Variants in HPSE2 observed in about 807,000 individuals in gnomAD.
The protein encoded by HPSE2 is inactive heparanase-2.
In HPSE2, 38 loss-of-function variants were observed where a neutral mutation model predicts 60.5. The observed-to-expected ratio is 0.63, with a 90% CI of 0.48 to 0.82. HPSE2 has a LOEUF of 0.82. Ranked by LOEUF, HPSE2 falls within the 40% of genes least tolerant of loss-of-function variation. The pLI, the probability that HPSE2 is intolerant of heterozygous loss-of-function variation, is 0.00. For missense variants in HPSE2, 713 were observed against 740.4 expected (o/e 0.96, Z 0.43); for synonymous variants, 295 against 293.2 (o/e 1.01, Z -0.06).
chr10:98,656,588 A>G lies in HPSE2; in HGVS notation c.1005-14648T>C, dbSNP rs144585594. On this transcript the variant is annotated intron_variant, in intron 6 of 11. Transcript: ENST00000370552. Reference sequence around the variant, plus strand: ...ATTGACTTTTTTATGAGGACCCACCATAAGAATTTATATCAAGGCTTAGTA... The same window carrying G: ...ATTGACTTTTTTATGAGGACCCACCGTAAGAATTTATATCAAGGCTTAGTA... Among the ~76,000 whole-genome samples the G allele has an allele frequency of 7.3e-3, 1,113 of 152,278 alleles. 11 individuals are homozygous for G. The highest frequency in any genetic ancestry group is 0.012 in the Non-Finnish European group (847 of 68,024).
chr10:98,874,024 T>C (rs1222830742), intron 3 of HPSE2, among the ~76,000 whole-genome samples: 1 of 145,860 alleles, frequency 6.9e-6, no homozygotes, highest in African/African-American at 2.4e-5. Context: ...TTGAAAAGTG[T>C]CTGTTCATAT....
At chr10:98,622,740 G>C (rs1946106255) in intron 7 of HPSE2, among the ~76,000 whole-genome samples, 1 of 152,142 alleles carries the variant, frequency 6.6e-6, no homozygotes, top group Non-Finnish European at 1.5e-5. Context: ...GTGGTCAATA[G>C]CATGTTGGTA....
chr10:98,574,691 C>T (rs532017446), intron 9 of HPSE2, among the ~76,000 whole-genome samples: 8 of 39,076 alleles, frequency 2.0e-4, no homozygotes, highest in Admixed American at 4.2e-4. Flanking sequence ...GCATTGGCAT[C>T]GAGAAGAAGG....
At chr10:98,795,129 C>T (rs189612012) in intron 3 of HPSE2, among the ~76,000 whole-genome samples, 7 of 152,016 alleles carry the variant, frequency 4.6e-5, no homozygotes, top group African/African-American at 1.4e-4. Flanking sequence ...AAGCCTATAG[C>T]ATGTGTCTCC....
chr10:99,007,138 G>C (rs1387312991), intron 3 of HPSE2, among the ~76,000 whole-genome samples: 2 of 152,188 alleles, frequency 1.3e-5, no homozygotes, highest in Non-Finnish European at 2.9e-5. Flanking sequence ...GATCAACCTG[G>C]TGTAGGGTAG....
At chr10:98,674,177 C>T (rs1947577715) in intron 6 of HPSE2, among the ~76,000 whole-genome samples, 1 of 152,182 alleles carries the variant, frequency 6.6e-6, no homozygotes. Context: ...TATTTCTTAC[C>T]TTTTATTTTC....
At chr10:98,788,566 A>G (rs1950582622) in intron 3 of HPSE2, among the ~76,000 whole-genome samples, 1 of 151,526 alleles carries the variant, frequency 6.6e-6, no homozygotes, top group Admixed American at 6.6e-5. Flanking sequence ...TTGCAGTTTG[A>G]TCTCAGACTG....
chr10:98,579,833 T>C (rs141708529), intron 9 of HPSE2, among the ~76,000 whole-genome samples: 3 of 152,180 alleles, frequency 2.0e-5, no homozygotes, highest in African/African-American at 7.2e-5. Context: ...GCCTTTATCA[T>C]GTTCTCAGTT....
At chr10:98,522,475 GTTTGTTT>G in intron 9 of HPSE2, among the ~76,000 whole-genome samples, 1 of 151,994 alleles carries the variant, frequency 6.6e-6, no homozygotes, top group Admixed American at 6.5e-5. Flanking sequence ...TCTTTTTTTT[GTTTGTTT>G]TTTGTTTTTT....
intron 2 of HPSE2, among the ~76,000 whole-genome samples, chr10:99,182,629 T>C (rs139599020): frequency 1.5e-3 from 230 of 152,278 alleles, no homozygotes; most frequent in African/African-American, 5.3e-3. Context: ...CTGAGAAACT[T>C]AAAATCATAA....
intron 4 of HPSE2, among the ~76,000 whole-genome samples, chr10:98,742,181 A>C (rs1401783058): frequency 6.6e-6 from 1 of 152,174 alleles, no homozygotes; most frequent in Non-Finnish European, 1.5e-5. Context: ...TGGTATCCTG[A>C]GTTTAACTCA....
chr10:99,287,765 AT>A, the HPSE2 span, among the ~76,000 whole-genome samples: 1 of 152,194 alleles, frequency 6.6e-6, no homozygotes, highest in Admixed American at 6.5e-5. Context: ...AGAGATGTAT[AT>A]TTTGATGTCT....
At chr10:98,968,648 T>C (rs754882973) in intron 3 of HPSE2, among the ~76,000 whole-genome samples, 2 of 152,218 alleles carry the variant, frequency 1.3e-5, no homozygotes, top group African/African-American at 2.4e-5. Flanking sequence ...ATATACACCA[T>C]GGAATGCTAT....
At chr10:99,125,694 G>A (rs1189066294) in intron 3 of HPSE2, among the ~76,000 whole-genome samples, 1 of 152,174 alleles carries the variant, frequency 6.6e-6, no homozygotes, top group Non-Finnish European at 1.5e-5. Context: ...ATCCCCAATG[G>A]GGAATCTGAA....
chr10:98,535,580 C>T (rs1365479300), intron 9 of HPSE2, among the ~76,000 whole-genome samples: 2 of 152,150 alleles, frequency 1.3e-5, no homozygotes, highest in African/African-American at 4.8e-5. Flanking sequence ...ACTTGAAACT[C>T]CTCTAAGCGT....
the HPSE2 span, among the ~76,000 whole-genome samples, chr10:99,303,959 G>A: frequency 6.6e-6 from 1 of 152,164 alleles, no homozygotes; most frequent in Non-Finnish European, 1.5e-5. Flanking sequence ...CTGACCTGGA[G>A]AATAAAAGCA....
chr10:99,025,707 A>T (rs1465939352), intron 3 of HPSE2, among the ~76,000 whole-genome samples: 1 of 152,060 alleles, frequency 6.6e-6, no homozygotes, highest in Non-Finnish European at 1.5e-5. Flanking sequence ...CTGAGTGGGG[A>T]GGGTAGGAAG....
intron 3 of HPSE2, among the ~76,000 whole-genome samples, chr10:98,824,534 T>C (rs1384298190): frequency 3.9e-5 from 6 of 152,226 alleles, no homozygotes; most frequent in African/African-American, 1.2e-4. Flanking sequence ...TAAGAAAGTG[T>C]CACTCAATTT....
chr10:98,493,488 G>A (rs1941726541), intron 9 of HPSE2, among the ~76,000 whole-genome samples: 1 of 152,064 alleles, frequency 6.6e-6, no homozygotes. Flanking sequence ...AATCAGGTGT[G>A]TAAACATAAT....
Sources: gnomAD v4.1 joint callset for allele counts (sites outside exome capture counted in the v4.1 genomes callset) on GRCh38, gnomAD v4.1.1 for gene constraint, MANE v1.5 for transcripts, NCBI Gene and HGNC (gene_info 2026-07-23, HGNC 2026-07-21) for gene names.